RELN: variants seen among roughly 807,000 people sequenced by gnomAD.
RELN encodes the protein reelin.
In RELN, 108 loss-of-function variants were observed where a neutral mutation model predicts 427.6. The ratio of observed to expected loss-of-function variants is 0.25; its 90% CI spans 0.22 to 0.30. RELN has a LOEUF of 0.30. Ranked by LOEUF, RELN falls within the 10% of genes least tolerant of loss-of-function variation. RELN has a pLI of 1.00. For missense variants in RELN, 3,715 were observed against 4,302.8 expected, an observed-to-expected ratio of 0.86 and a Z score of 3.82; for synonymous variants, 1,524 against 1,513.4, an observed-to-expected ratio of 1.01 and a Z score of -0.16.
At chr7:103,551,530 A>G (rs144624551) in intron 40 of RELN, among the ~76,000 whole-genome samples, 3 of 152,330 alleles carry the variant, frequency 2.0e-5, no homozygotes, top group African/African-American at 7.2e-5. Context: ...CCTTCATTTT[A>G]TAAAAAGCAG....
intron 2 of RELN, among the ~76,000 whole-genome samples, chr7:103,891,164 G>A (rs1212201651): frequency 6.6e-6 from 1 of 152,228 alleles, no homozygotes; most frequent in East Asian, 1.9e-4. Context: ...ATTAACAACT[G>A]ACATCTAGCT....
rs1231620742 is a variant in RELN at position 103,774,186 on chromosome 7, AC to A, written c.544+2370del. Among the ~76,000 whole-genome samples the A allele has an allele frequency of 2.0e-5, 3 of 151,520 alleles. No individual in the cohort carries two copies. The East Asian group carries it at 5.9e-4, about 30-fold the overall frequency. On this transcript the variant is annotated intron_variant, in intron 4 of 64. Coordinates refer to ENST00000428762, the MANE Select transcript of RELN (RefSeq NM_005045.4). ...GTGGCACACACCTGTAATCCCAGCT[AC>A]TCAGGAGGCTGAGGCAGGAGAATCG...
intron 10 of RELN, among the ~76,000 whole-genome samples, chr7:103,684,736 T>C (rs2115710663): frequency 6.6e-6 from 1 of 152,244 alleles, no homozygotes; most frequent in South Asian, 2.1e-4. Context: ...AGAGGTGTTG[T>C]TAGTGGCACA....
intron 45 of RELN, among the ~76,000 whole-genome samples, chr7:103,538,605 G>A (rs1049758985): frequency 4.6e-5 from 7 of 152,118 alleles, no homozygotes; most frequent in Non-Finnish European, 1.0e-4. Context: ...GGGATATAGA[G>A]AGGAGACAAT....
intron 8 of RELN, among the ~76,000 whole-genome samples, chr7:103,711,697 C>A (rs1487542455): frequency 6.6e-6 from 1 of 152,076 alleles, no homozygotes; most frequent in Non-Finnish European, 1.5e-5. Flanking sequence ...TGCTCTGTTG[C>A]CCAGGCTGGA....
chr7:103,772,254 C>T (rs1173902215), intron 4 of RELN, among the ~76,000 whole-genome samples: 1 of 152,164 alleles, frequency 6.6e-6, no homozygotes, highest in East Asian at 1.9e-4. Context: ...GCATATATCT[C>T]ATGGCAGACA....
At chr7:103,554,571 A>G (rs1036131388) in intron 38 of RELN, among the ~76,000 whole-genome samples, 22 of 150,124 alleles carry the variant, frequency 1.5e-4, no homozygotes, top group African/African-American at 5.4e-4. Context: ...TGCTGTCTCA[A>G]AAAAAAAAAA....
intron 1 of RELN, among the ~76,000 whole-genome samples, chr7:103,959,597 A>T (rs1275166814): frequency 6.7e-6 from 1 of 149,794 alleles, no homozygotes; most frequent in South Asian, 2.1e-4. Flanking sequence ...AGCCAACCTG[A>T]CTCCTCTCTC....
At chr7:103,797,080 TATTTTATTTATTTCA>T (rs1792323240) in intron 3 of RELN, among the ~76,000 whole-genome samples, 2 of 152,082 alleles carry the variant, frequency 1.3e-5, no homozygotes, top group African/African-American at 4.8e-5. Flanking sequence ...GGAGTCATTT[TATTTTATTTATTTCA>T]TTTTTTTGAG....
intron 4 of RELN, among the ~76,000 whole-genome samples, chr7:103,754,911 G>T (rs1324041435): frequency 6.6e-6 from 1 of 152,190 alleles, no homozygotes; most frequent in Non-Finnish European, 1.5e-5. Flanking sequence ...AGAGTTTTAA[G>T]AGCTAAGAGA....
intron 20 of RELN, among the ~76,000 whole-genome samples, chr7:103,621,559 A>G (rs1832219258): frequency 6.6e-6 from 1 of 152,112 alleles, no homozygotes; most frequent in African/African-American, 2.4e-5. Context: ...GAGAGGAAAG[A>G]GCTTGGCTTG....
At chr7:103,739,691 C>T (rs543045899) in intron 6 of RELN, among the ~76,000 whole-genome samples, 1 of 152,310 alleles carries the variant, frequency 6.6e-6, no homozygotes, top group African/African-American at 2.4e-5. Flanking sequence ...CTTCACTTCT[C>T]ATCTCTCATT....
chr7:103,723,272 G>A (rs2115908530), intron 7 of RELN, 81 bp from the exon 8 acceptor site: 1 of 811,218 alleles, frequency 1.2e-6, no homozygotes, highest in Admixed American at 1.9e-5. Context: ...GTACGGGGAG[G>A]GGAAGAGTTA....
intron 3 of RELN, among the ~76,000 whole-genome samples, chr7:103,817,816 G>A (rs262364): frequency 0.39 from 58,363 of 150,790 alleles, 11,584 homozygotes; most frequent in African/African-American, 0.44. Flanking sequence ...GTGGTGGTGC[G>A]TGCCTGTAGT....
At chr7:103,837,253 T>C (rs1233778997) in intron 2 of RELN, among the ~76,000 whole-genome samples, 1 of 152,206 alleles carries the variant, frequency 6.6e-6, no homozygotes, top group Non-Finnish European at 1.5e-5. Flanking sequence ...GCATACATGA[T>C]CATGTCAATC....
At chr7:103,707,163 C>T (rs1020146717) in intron 8 of RELN, among the ~76,000 whole-genome samples, 12 of 151,992 alleles carry the variant, frequency 7.9e-5, no homozygotes, top group African/African-American at 1.9e-4. Context: ...AATTTATACC[C>T]GTTTTTTCCC....
At chr7:103,794,688 C>A (rs537230012) in intron 3 of RELN, among the ~76,000 whole-genome samples, 32 of 152,282 alleles carry the variant, frequency 2.1e-4, no homozygotes, top group African/African-American at 7.7e-4. Flanking sequence ...AGCTTCTCAA[C>A]CTTAGCACTA....
chr7:103,761,047 T>C (rs1791286235), intron 4 of RELN, among the ~76,000 whole-genome samples: 1 of 152,208 alleles, frequency 6.6e-6, no homozygotes, highest in Non-Finnish European at 1.5e-5. Flanking sequence ...GATTTCTTAA[T>C]ATTTAAAGAC....
chr7:103,793,959 G>T (rs1424414295), intron 3 of RELN, among the ~76,000 whole-genome samples: 1 of 152,140 alleles, frequency 6.6e-6, no homozygotes, highest in East Asian at 1.9e-4. Flanking sequence ...TAGAGATGGG[G>T]TTTCACCATG....
Sources: allele counts gnomAD v4.1 joint callset (sites outside exome capture counted in the v4.1 genomes callset), GRCh38; gene constraint gnomAD v4.1.1; transcripts MANE v1.5; gene names NCBI Gene and HGNC (gene_info 2026-07-23, HGNC 2026-07-21).